ARHGAP1: variants seen among roughly 807,000 people sequenced by gnomAD.
The protein encoded by ARHGAP1 is Rho GTPase activating protein 1.
Under a neutral mutation model 52.2 loss-of-function variants are expected in ARHGAP1, and 23 were observed. That is an observed-to-expected ratio of 0.44 (90% CI 0.32 to 0.62). The LOEUF (loss-of-function observed/expected upper bound fraction) is 0.62, where lower values mean the gene tolerates loss of function less well. Ranked by LOEUF, ARHGAP1 falls within the 20% of genes least tolerant of loss-of-function variation. The pLI, the probability that ARHGAP1 is intolerant of heterozygous loss-of-function variation, is 0.05. For missense variants in ARHGAP1, 480 were observed against 560.9 expected (o/e 0.86, Z 1.46); for synonymous variants, 210 against 228.4 (o/e 0.92, Z 0.73).
At chr11:46,698,244 TC>T (rs1394099402) in intron 1 of ARHGAP1, among the ~76,000 whole-genome samples, 4 of 152,160 alleles carry the variant, frequency 2.6e-5, no homozygotes, top group Non-Finnish European at 5.9e-5. Flanking sequence ...CAATGGCGCC[TC>T]CCAGAAATAT....
In ARHGAP1 at chr11:46,679,847, G is replaced by A. The variant is rs564800766; in HGVS notation, c.899-71C>T. 2.3e-4 allele frequency: 366 copies of A among 1,597,418 alleles called. No homozygotes were observed. The highest frequency in any genetic ancestry group is 3.0e-4 in the Non-Finnish European group (352 of 1,174,516). On this transcript the variant is annotated intron_variant, in intron 10 of 12. Coordinates refer to ENST00000311956, the MANE Select transcript of ARHGAP1 (RefSeq NM_004308.5). The surrounding 1 kb of genome is among the most constrained non-coding windows in gnomAD (Gnocchi z 4.4). ...CAGCACCCATCTGCAGACAACGCGG[G>A]CCGCACTGCCTGACTGCCCCTGGAC...
In ARHGAP1 at chr11:46,696,741, C is replaced by A. The variant is rs2064657999; in HGVS notation, c.-49-585G>T. Among the ~76,000 whole-genome samples the A allele has an allele frequency of 6.6e-6, 1 of 152,130 alleles. No individual in the cohort carries two copies. Among genetic ancestry groups the A allele is most frequent in the Non-Finnish European group, 1.5e-5 (1 of 68,022 alleles). ...AAAACTAGCTGGGCGTGGTGGCAGG[C>A]ATCTGTAATCCCAGCTACTCAGGAA... On this transcript the variant is annotated intron_variant, in intron 1 of 12. Transcript: ENST00000311956. This position sits in a 1 kb window ranked among gnomAD's most constrained non-coding sequence, Gnocchi z 4.8.
intron 3 of ARHGAP1, among the ~76,000 whole-genome samples, chr11:46,690,001 A>C (rs1357172335): frequency 6.6e-6 from 1 of 152,212 alleles, no homozygotes; most frequent in Non-Finnish European, 1.5e-5. Context: ...TGAGGAAATC[A>C]GTCTGATTAC....
rs1462374625 is a variant in ARHGAP1 at position 46,677,850 on chromosome 11, T to C, written c.*1187A>G. 5 of 382,366 alleles carry C rather than the reference T, an allele frequency of 1.3e-5. No homozygotes were observed. The highest frequency in any genetic ancestry group is 8.8e-5 in the African/African-American group (4 of 45,598). The allele number at this position is 382,366 out of a possible 1,614,324, so 23.7% of individuals were successfully genotyped here. ...CTATAGTCCCAGCTACTCAGGAGGCTGAGGCAGGAGAATTGCTTGAACCCA... is the reference window on the plus strand; with the variant it reads ...CTATAGTCCCAGCTACTCAGGAGGCCGAGGCAGGAGAATTGCTTGAACCCA... On this transcript the variant is annotated 3_prime_UTR_variant, in exon 13 of 13. Transcript: ENST00000311956.
At chr11:46,699,634 C>T (rs922988204) in intron 1 of ARHGAP1, among the ~76,000 whole-genome samples, 2 of 150,912 alleles carry the variant, frequency 1.3e-5, no homozygotes, top group Non-Finnish European at 3.0e-5. Flanking sequence ...ACCCGGGAGG[C>T]GGAGGTTGCA....
chr11:46,682,455 G>A (rs188551242), intron 4 of ARHGAP1, among the ~76,000 whole-genome samples: 7 of 152,330 alleles, frequency 4.6e-5, no homozygotes, highest in Admixed American at 3.3e-4. Flanking sequence ...AGGCCAAGGC[G>A]GGTGGATCAC....
chr11:46,695,603 T>C, intron 3 of ARHGAP1, 57 bp downstream of exon 3: 1 of 1,513,268 alleles, frequency 6.6e-7, no homozygotes, highest in Non-Finnish European at 9.0e-7. Flanking sequence ...TGTGAAGGGC[T>C]GACTTCCTGA....
Position 46,680,726 on chromosome 11 carries a change from G to T in ARHGAP1, c.657C>A (p.Ser219=). Residue 219 remains serine (S), a synonymous_variant, in exon 8 of 13, where the codon TCC becomes TCA. Transcript: ENST00000311956. The surrounding 1 kb of genome is among the most constrained non-coding windows in gnomAD (Gnocchi z 5.9). ...QVLKYDDFLK[S]TQKSPATAPK... is the part of the protein sequence containing the mutation. ...GGGCTGTCGCGGGGCTCTTCTGTGT[G>T]GATTTCAGGAAGTCGTCATATCTGT... 1 of 1,558,948 alleles carries T rather than the reference G, an allele frequency of 6.4e-7. No homozygotes were observed.
chr11:46,689,370 G>C (rs1285546078), intron 3 of ARHGAP1, among the ~76,000 whole-genome samples: 1 of 152,148 alleles, frequency 6.6e-6, no homozygotes, highest in Non-Finnish European at 1.5e-5. Context: ...AGTGGGGAAT[G>C]GGGACAGACT....
Position 46,680,557 on chromosome 11 carries a change from C to A in ARHGAP1, c.750G>T (p.Gln250His), listed in dbSNP as rs775352237. ...QQFGVSLQHL[Q>H]EKNPEQEPIP... ...TGGGCTCCTGCTCTGGATTCTTCTCCTGGAGGCTGCGGGAAAAAGGCTGGT... is the reference window on the plus strand; with the variant it reads ...TGGGCTCCTGCTCTGGATTCTTCTCATGGAGGCTGCGGGAAAAAGGCTGGT... The change falls in exon 9 of 13, where the codon CAG becomes CAT. Residue 250 changes from glutamine to histidine, a missense_variant. By Grantham distance (24) the Gln-to-His change is conservative (BLOSUM62 0). Transcript: ENST00000311956. This position sits in a 1 kb window ranked among gnomAD's most constrained non-coding sequence, Gnocchi z 5.9. 1 of 1,614,106 alleles carries A rather than the reference C, an allele frequency of 6.2e-7. No individual in the cohort carries two copies. The highest frequency in any genetic ancestry group is 8.5e-7 in the Non-Finnish European group (1 of 1,179,992).
Position 46,695,639 on chromosome 11 carries a change from AAT to A in ARHGAP1, c.229+19_229+20del, listed in dbSNP as rs1565690610. ...GGCCAGGAGCTCTGAGGGTTAGGAA[AAT>A]AGTGTTGGGTGTGCTTACCTGCCAC... On this transcript the variant is annotated intron_variant, in intron 3 of 12. Transcript: ENST00000311956. 1 of 1,550,272 alleles carries A rather than the reference AAT, an allele frequency of 6.5e-7. No individual in the cohort carries two copies.
At chr11:46,683,643 C>CTT (rs199922376) in intron 4 of ARHGAP1, among the ~76,000 whole-genome samples, 3 of 144,322 alleles carry the variant, frequency 2.1e-5, no homozygotes, top group East Asian at 2.0e-4. Flanking sequence ...AAGCCCTCTC[C>CTT]TTTTTTTTTT....
chr11:46,680,873 T>C lies in ARHGAP1; in HGVS notation c.636-126A>G. ...ATGCGATCTCTGTAACAACTCCGCT[T>C]TCCACAGCAGAAAGCAAAGACCTGG... On this transcript the variant is annotated intron_variant, in intron 7 of 12. Coordinates refer to ENST00000311956, the MANE Select transcript of ARHGAP1 (RefSeq NM_004308.5). This position sits in a 1 kb window ranked among gnomAD's most constrained non-coding sequence, Gnocchi z 5.9. 9.2e-7 allele frequency: 1 copy of C among 1,091,232 alleles called. No homozygotes were observed. The highest frequency in any genetic ancestry group is 1.3e-6 in the Non-Finnish European group (1 of 755,320). The allele number at this position is 1,091,232 out of a possible 1,614,324, so 67.6% of individuals were successfully genotyped here.
intron 4 of ARHGAP1, 62 bp downstream of exon 4, chr11:46,688,111 T>G: frequency 6.6e-7 from 1 of 1,513,880 alleles, no homozygotes; most frequent in Non-Finnish European, 9.1e-7. Context: ...GTAAAGAACG[T>G]GGCATTAGGC....
At chr11:46,683,943 G>C (rs2064548870) in intron 4 of ARHGAP1, among the ~76,000 whole-genome samples, 3 of 152,134 alleles carry the variant, frequency 2.0e-5, no homozygotes, top group Admixed American at 6.6e-5. Flanking sequence ...CCCGGCCATA[G>C]AGCCCTCTTT....
At chr11:46,683,037 CTTTTTTTTTTTT>C (rs66603634) in intron 4 of ARHGAP1, among the ~76,000 whole-genome samples, 1 of 108,798 alleles carries the variant, frequency 9.2e-6, no homozygotes, top group Non-Finnish European at 1.8e-5. Context: ...CCAAAGCCTG[CTTTTTTTTTTTT>C]TTTTTTTTTG....
chr11:46,685,377 G>A (rs2064561175), intron 4 of ARHGAP1, among the ~76,000 whole-genome samples: 1 of 150,618 alleles, frequency 6.6e-6, no homozygotes, highest in South Asian at 2.1e-4. Context: ...GCCCAGGGTG[G>A]AGTGCAATGG....
rs563909329 is a variant in ARHGAP1, at chr11:46,679,946, G to A, written c.899-170C>T. ...TCTTCCTCTGTGATCAGAGAATGCA[G>A]GTTCCGGCCATCTGGGGAAGTGGGG... On this transcript the variant is annotated intron_variant, in intron 10 of 12. Transcript: ENST00000311956. The surrounding 1 kb of genome is among the most constrained non-coding windows in gnomAD (Gnocchi z 4.4). 8.4e-4 allele frequency: 1,011 copies of A among 1,202,700 alleles called. No homozygotes were observed. Among genetic ancestry groups the A allele is most frequent in the Non-Finnish European group, 1.0e-3 (905 of 879,114 alleles). 74.5% of individuals were successfully genotyped at this position (1,202,700 alleles called of 1,614,324 possible). A position where few individuals can be genotyped will look rare whatever the true frequency, so the allele number is the denominator to read the frequency against.
Position 46,679,633 on chromosome 11 carries a change from G to C in ARHGAP1, c.1027+15C>G. 2 of 1,613,914 alleles carry C rather than the reference G, an allele frequency of 1.2e-6. No individual in the cohort carries two copies. Among genetic ancestry groups the C allele is most frequent in the Non-Finnish European group, 1.7e-6 (2 of 1,179,946 alleles). Reference sequence around the variant, plus strand: ...AAGTCCAGCCCCAGGCCCAACAGAAGAGATGGGGACTCACTGAGGAAGCCC... The same window carrying C: ...AAGTCCAGCCCCAGGCCCAACAGAACAGATGGGGACTCACTGAGGAAGCCC... On this transcript the variant is annotated intron_variant, in intron 11 of 12. Coordinates refer to ENST00000311956, the MANE Select transcript of ARHGAP1 (RefSeq NM_004308.5). This position sits in a 1 kb window ranked among gnomAD's most constrained non-coding sequence, Gnocchi z 4.4.
Sources: gnomAD v4.1 joint callset for allele counts (sites outside exome capture counted in the v4.1 genomes callset) on GRCh38, gnomAD v4.1.1 for gene constraint, Gnocchi (gnomAD v3.1) non-coding constraint, MANE v1.5 for transcripts, NCBI Gene and HGNC (gene_info 2026-07-23, HGNC 2026-07-21) for gene names.